The following COBL variants were observed in gnomAD, a reference collection of about 807,000 sequenced individuals.
The protein encoded by COBL is protein cordon-bleu.
Under a neutral mutation model 98.8 loss-of-function variants are expected in COBL, and 51 were observed. That is an observed-to-expected ratio of 0.52 (90% CI 0.41 to 0.65). COBL has a LOEUF of 0.65. COBL is among the 30% of genes least tolerant of loss of function. The pLI, the probability that COBL is intolerant of heterozygous loss-of-function variation, is 0.00. For synonymous variants in COBL, 634 were observed against 651.7 expected (o/e 0.97, Z 0.41); for missense variants, 1,617 against 1,617.5 (o/e 1.00, Z 0.01).
At chr7:51,204,417 C>T (rs1791453648) in intron 2 of COBL, among the ~76,000 whole-genome samples, 2 of 152,058 alleles carry the variant, frequency 1.3e-5, no homozygotes, top group South Asian at 4.1e-4. Flanking sequence ...CAAAAAATAA[C>T]TGAAATTATC....
chr7:51,204,087 G>T (rs1791426141), intron 2 of COBL, among the ~76,000 whole-genome samples: 1 of 152,112 alleles, frequency 6.6e-6, no homozygotes, highest in Non-Finnish European at 1.5e-5. Context: ...ATTAATCAAT[G>T]TGATACAACA....
chr7:51,277,552 G>A (rs1430561554), intron 1 of COBL, among the ~76,000 whole-genome samples: 2 of 152,134 alleles, frequency 1.3e-5, no homozygotes, highest in South Asian at 4.2e-4. Context: ...AGCAAGAGTC[G>A]GTGCCCTCAT....
At chr7:51,041,132 A>G (rs141361702) in intron 8 of COBL, among the ~76,000 whole-genome samples, 1 of 152,336 alleles carries the variant, frequency 6.6e-6, no homozygotes, top group Non-Finnish European at 1.5e-5. Context: ...CCTCAGCAAA[A>G]TGCATCTTGT....
At chr7:51,119,060 T>C (rs916755404) in intron 6 of COBL, among the ~76,000 whole-genome samples, 1 of 152,166 alleles carries the variant, frequency 6.6e-6, no homozygotes, top group African/African-American at 2.4e-5. Flanking sequence ...TTACATCACA[T>C]AGGAAAGTTT....
intron 2 of COBL, among the ~76,000 whole-genome samples, chr7:51,201,292 G>A (rs552381923): frequency 1.3e-5 from 2 of 151,534 alleles, no homozygotes; most frequent in Non-Finnish European, 2.9e-5. Flanking sequence ...GGAGAGCAGG[G>A]GTAGCTATAT....
chr7:51,285,837 A>T (rs887384725), intron 1 of COBL, among the ~76,000 whole-genome samples: 7 of 152,258 alleles, frequency 4.6e-5, no homozygotes, highest in African/African-American at 1.7e-4. Context: ...TAGCCTTAAG[A>T]CTTACTATAA....
At chr7:51,051,683 G>C (rs1461307235) in intron 7 of COBL, among the ~76,000 whole-genome samples, 2 of 152,150 alleles carry the variant, frequency 1.3e-5, no homozygotes, top group East Asian at 3.9e-4. Flanking sequence ...CCTTACTATG[G>C]ATCAGAAAGC....
chr7:51,024,160 T>C (rs1025089971), intron 12 of COBL, among the ~76,000 whole-genome samples: 21 of 151,888 alleles, frequency 1.4e-4, no homozygotes, highest in Middle Eastern at 3.4e-3. Context: ...CCACAAAAAA[T>C]TAGCCGGGCG....
intron 6 of COBL, among the ~76,000 whole-genome samples, chr7:51,088,536 T>G (rs1249524885): frequency 6.6e-6 from 1 of 152,208 alleles, no homozygotes; most frequent in Non-Finnish European, 1.5e-5. Flanking sequence ...GCTTTATATC[T>G]TTTTCAAGAC....
chr7:51,183,980 G>A (rs1212485199), intron 5 of COBL, 122 bp downstream of exon 5: 2 of 505,932 alleles, frequency 4.0e-6, no homozygotes, highest in East Asian at 3.5e-5. Flanking sequence ...TCTTTTACCT[G>A]AAGGAATTAG....
intron 2 of COBL, among the ~76,000 whole-genome samples, chr7:51,216,305 C>T (rs562338379): frequency 3.9e-5 from 6 of 152,280 alleles, no homozygotes; most frequent in East Asian, 1.9e-4. Context: ...CTCAACTTTC[C>T]GAGTAGCTGG....
At chr7:51,215,028 G>GA (rs1792892601) in intron 2 of COBL, among the ~76,000 whole-genome samples, 1 of 152,072 alleles carries the variant, frequency 6.6e-6, no homozygotes, top group Non-Finnish European at 1.5e-5. Flanking sequence ...ACTTGCTGAG[G>GA]AGTCTTCTTC....
At chr7:51,235,428 C>T (rs1795165372) in intron 1 of COBL, among the ~76,000 whole-genome samples, 1 of 152,178 alleles carries the variant, frequency 6.6e-6, no homozygotes, top group Non-Finnish European at 1.5e-5. Context: ...CTTCCTACGT[C>T]CAAGAACCTC....
intron 12 of COBL, 21 bp downstream of exon 12, chr7:51,025,088 C>G: frequency 6.2e-7 from 1 of 1,611,816 alleles, no homozygotes; most frequent in South Asian, 1.1e-5. Flanking sequence ...CATTGAAATG[C>G]GCACACACAG....
At chr7:51,198,375 A>G (rs951055165) in intron 2 of COBL, among the ~76,000 whole-genome samples, 3 of 152,116 alleles carry the variant, frequency 2.0e-5, no homozygotes, top group African/African-American at 4.8e-5. Flanking sequence ...TAAGAGGTCC[A>G]TTTTTAGTCT....
chr7:51,042,894 G>A (rs1336244195), intron 8 of COBL, among the ~76,000 whole-genome samples: 2 of 152,170 alleles, frequency 1.3e-5, no homozygotes, highest in Non-Finnish European at 2.9e-5. Context: ...CAGACACTGG[G>A]GGGCCCGCCA....
intron 2 of COBL, among the ~76,000 whole-genome samples, chr7:51,217,340 C>CTTTTTTTTTTTTTTT (rs937958755): frequency 3.1e-5 from 4 of 127,718 alleles, no homozygotes; most frequent in Non-Finnish European, 3.3e-5. Flanking sequence ...TTTTCTTTTT[C>CTTTTTTTTTTTTTTT]TTTTTTTTTT....
intron 2 of COBL, among the ~76,000 whole-genome samples, chr7:51,216,314 G>A (rs113871950): frequency 0.017 from 2,661 of 152,280 alleles, 63 homozygotes; most frequent in African/African-American, 0.06. Flanking sequence ...CCGAGTAGCT[G>A]GGGTTACAGG....
intron 6 of COBL, among the ~76,000 whole-genome samples, chr7:51,087,778 C>CTTTT (rs34922133): frequency 1.7e-5 from 2 of 117,284 alleles, no homozygotes; most frequent in Non-Finnish European, 1.7e-5. Context: ...CCGGCCCCGC[C>CTTTT]TTTTTTTTTT....
Sources: allele counts gnomAD v4.1 joint callset (sites outside exome capture counted in the v4.1 genomes callset), GRCh38; gene constraint gnomAD v4.1.1; transcripts MANE v1.5; gene names NCBI Gene and HGNC (gene_info 2026-07-23, HGNC 2026-07-21).